The following ZDHHC17 variants were observed in gnomAD, a reference collection of about 807,000 sequenced individuals.
ZDHHC17 encodes the protein palmitoyltransferase ZDHHC17.
ZDHHC17 carries 40 observed loss-of-function variants against 90.3 expected under a neutral mutation model. The ratio of observed to expected loss-of-function variants is 0.44; its 90% CI spans 0.34 to 0.58. ZDHHC17 has a LOEUF of 0.58. Ranked by LOEUF, ZDHHC17 falls within the 20% of genes least tolerant of loss-of-function variation. The pLI, the probability that ZDHHC17 is intolerant of heterozygous loss-of-function variation, is 0.01. For synonymous variants in ZDHHC17, 235 were observed against 252.4 expected, an observed-to-expected ratio of 0.93 and a Z score of 0.65; for missense variants, 614 against 780.8, an observed-to-expected ratio of 0.79 and a Z score of 2.55.
Position 76,853,397 on chromosome 12 carries a change from CTTAA to C in ZDHHC17, c.*2415_*2418del, listed in dbSNP as rs2137814573. On this transcript the variant is annotated 3_prime_UTR_variant, in exon 17 of 17. Coordinates refer to ENST00000426126, the MANE Select transcript of ZDHHC17 (RefSeq NM_015336.4). ...ATTGGATACTTTTAGCAAATAGGAA[CTTAA>C]TTCTCAGCACTGAACATGAATTACT... 1 of 152,344 alleles carries C rather than the reference CTTAA, an allele frequency of 6.6e-6. No homozygotes were observed. Among genetic ancestry groups the C allele is most frequent in the Non-Finnish European group, 1.5e-5 (1 of 67,940 alleles). 9.4% of individuals were successfully genotyped at this position (152,344 alleles called of 1,614,324 possible). A position where few individuals can be genotyped will look rare whatever the true frequency, so the allele number is the denominator to read the frequency against.
At chr12:76,765,152 A>C (rs1952417396) in intron 1 of ZDHHC17, among the ~76,000 whole-genome samples, 2 of 152,246 alleles carry the variant, frequency 1.3e-5, no homozygotes, top group Non-Finnish European at 2.9e-5. Flanking sequence ...TGATGTCTGT[A>C]TGCGGCAGCG....
intron 1 of ZDHHC17, among the ~76,000 whole-genome samples, chr12:76,773,981 G>C (rs529003916): frequency 6.1e-4 from 93 of 152,214 alleles, no homozygotes; most frequent in African/African-American, 2.2e-3. Flanking sequence ...GAGTGCGGTG[G>C]CTTGTGCCTG....
chr12:76,852,560 C>CT lies in ZDHHC17; in HGVS notation c.*1577dup, dbSNP rs995352274. The CT allele has an allele frequency of 1.3e-5, 2 of 152,568 alleles. No homozygotes were observed. Among genetic ancestry groups the CT allele is most frequent in the African/African-American group, 4.8e-5 (2 of 41,438 alleles). The allele number at this position is 152,568 out of a possible 1,614,324, so 9.5% of individuals were successfully genotyped here. A position where few individuals can be genotyped will look rare whatever the true frequency, so the allele number is the denominator to read the frequency against. On this transcript the variant is annotated 3_prime_UTR_variant, in exon 17 of 17. Coordinates refer to ENST00000426126, the MANE Select transcript of ZDHHC17 (RefSeq NM_015336.4). ...ATGTCTGATGCTTGGTAAAACTAGTCTTCCCTGTAAAATGCAGATTACAGG... is the reference window on the plus strand; with the variant it reads ...ATGTCTGATGCTTGGTAAAACTAGTCTTTCCCTGTAAAATGCAGATTACAGG...
intron 10 of ZDHHC17, among the ~76,000 whole-genome samples, chr12:76,838,834 T>G (rs1295784123): frequency 2.0e-5 from 3 of 152,174 alleles, no homozygotes; most frequent in Non-Finnish European, 4.4e-5. Context: ...TTTTCTCCAA[T>G]TGAGTGGGAC....
rs117685749 is a variant in ZDHHC17, at chr12:76,785,939, A to C, written c.94-11495A>C. ...CTTTACCCTTATATGTATGATTTTAAGGATTTTAAGTAAGGGAGTGATAGG... is the reference window on the plus strand; with the variant it reads ...CTTTACCCTTATATGTATGATTTTACGGATTTTAAGTAAGGGAGTGATAGG... On this transcript the variant is annotated intron_variant, in intron 1 of 16. Coordinates refer to ENST00000426126, the MANE Select transcript of ZDHHC17 (RefSeq NM_015336.4). 1.1e-4 allele frequency among the ~76,000 whole-genome samples: 17 copies of C among 152,282 alleles called. No individual in the cohort carries two copies. The East Asian group carries it at 3.3e-3, about 29-fold the overall frequency.
Position 76,796,908 on chromosome 12 carries a change from G to C in ZDHHC17, c.94-526G>C, listed in dbSNP as rs552084272. Among the ~76,000 whole-genome samples the C allele has an allele frequency of 1.1e-4, 16 of 152,342 alleles. 1 individual carries two copies. In the East Asian group the frequency reaches 2.9e-3, roughly 28 times the overall value. On this transcript the variant is annotated intron_variant, in intron 1 of 16. Transcript: ENST00000426126. ...GTTGTTACTTGTTTCTAATCTTACA[G>C]ATTGTTTTAGCTTGAGAATGTGTAA...
intron 8 of ZDHHC17, among the ~76,000 whole-genome samples, chr12:76,823,907 ATTTAT>A (rs981653455): frequency 1.1e-4 from 17 of 152,242 alleles, no homozygotes; most frequent in Admixed American, 1.0e-3. Context: ...ATAGAAAATG[ATTTAT>A]TTTGTGTTGC....
intron 7 of ZDHHC17, chr12:76,821,283 T>C: frequency 3.1e-6 from 1 of 325,004 alleles, no homozygotes; most frequent in East Asian, 1.0e-4. Flanking sequence ...GACTCCTAGA[T>C]TAGCCCATTT....
chr12:76,791,820 G>C (rs1232085701), intron 1 of ZDHHC17, among the ~76,000 whole-genome samples: 1 of 152,094 alleles, frequency 6.6e-6, no homozygotes, highest in Non-Finnish European at 1.5e-5. Context: ...CCTCAGATTT[G>C]ATAATTTGCA....
At chr12:76,818,783 G>A (rs561016314) in intron 7 of ZDHHC17, among the ~76,000 whole-genome samples, 19 of 152,294 alleles carry the variant, frequency 1.2e-4, no homozygotes, top group East Asian at 1.9e-4. Context: ...CATGCAATGC[G>A]ATAATAAAGA....
At chr12:76,790,868 C>G (rs1314638401) in intron 1 of ZDHHC17, among the ~76,000 whole-genome samples, 1 of 152,058 alleles carries the variant, frequency 6.6e-6, no homozygotes, top group African/African-American at 2.4e-5. Flanking sequence ...TATAAAAGTA[C>G]AGCTAGTTAG....
rs1237018293 is a variant in ZDHHC17 at position 76,805,448 on chromosome 12, T to G, written c.320+9T>G. ...AGAATAGATTTAGTCAAGTATGTATTTTCTCTATTTTTAATTATTAGAACT... is the reference window on the plus strand; with the variant it reads ...AGAATAGATTTAGTCAAGTATGTATGTTCTCTATTTTTAATTATTAGAACT... On this transcript the variant is annotated intron_variant, in intron 3 of 16. Coordinates refer to ENST00000426126, the MANE Select transcript of ZDHHC17 (RefSeq NM_015336.4). 1 of 1,528,788 alleles carries G rather than the reference T, an allele frequency of 6.5e-7. No individual in the cohort carries two copies. The highest frequency in any genetic ancestry group is 2.5e-5 in the East Asian group (1 of 40,632). The allele number at this position is 1,528,788 out of a possible 1,614,324, so 94.7% of individuals were successfully genotyped here. A position where few individuals can be genotyped will look rare whatever the true frequency, so the allele number is the denominator to read the frequency against.
intron 8 of ZDHHC17, among the ~76,000 whole-genome samples, chr12:76,824,326 TA>T (rs1255465744): frequency 4.6e-5 from 7 of 152,100 alleles, no homozygotes; most frequent in African/African-American, 1.4e-4. Context: ...TTAAATATAT[TA>T]AAATTTTTAT....
At chr12:76,765,465 C>G (rs1224698259) in intron 1 of ZDHHC17, among the ~76,000 whole-genome samples, 1 of 152,184 alleles carries the variant, frequency 6.6e-6, no homozygotes, top group Non-Finnish European at 1.5e-5. Context: ...GAAAAGGCTA[C>G]TCTGGGTTTC....
chr12:76,822,892 G>T (rs1344862770), intron 8 of ZDHHC17, among the ~76,000 whole-genome samples: 2 of 151,984 alleles, frequency 1.3e-5, no homozygotes. Flanking sequence ...AATTTTTTAA[G>T]TAGGATTCTT....
At chr12:76,783,677 C>T (rs891855908) in intron 1 of ZDHHC17, among the ~76,000 whole-genome samples, 2 of 152,204 alleles carry the variant, frequency 1.3e-5, no homozygotes, top group Non-Finnish European at 2.9e-5. Context: ...TAATGGTTTC[C>T]CAAAGATATC....
At chr12:76,774,266 G>A (rs1952531563) in intron 1 of ZDHHC17, among the ~76,000 whole-genome samples, 1 of 106,576 alleles carries the variant, frequency 9.4e-6, no homozygotes, top group South Asian at 2.6e-4. Flanking sequence ...AAGAATGTGT[G>A]TGTATGTGTA....
intron 1 of ZDHHC17, 191 bp downstream of exon 1, chr12:76,764,520 G>C (rs908545705): frequency 1.0e-5 from 6 of 599,300 alleles, no homozygotes; most frequent in Non-Finnish European, 1.8e-5. Flanking sequence ...GGGCGGGCCC[G>C]ACCGGGGCGG....
chr12:76,819,973 A>G (rs1238397406), intron 7 of ZDHHC17, among the ~76,000 whole-genome samples: 4 of 148,892 alleles, frequency 2.7e-5, no homozygotes, highest in Admixed American at 1.4e-4. Context: ...AGCCTGGGCA[A>G]CAAGAGTGAA....
Sources: allele counts gnomAD v4.1 joint callset (sites outside exome capture counted in the v4.1 genomes callset), GRCh38; gene constraint gnomAD v4.1.1; transcripts MANE v1.5; gene names NCBI Gene and HGNC (gene_info 2026-07-23, HGNC 2026-07-21).